Variants in MSH5 observed in about 807,000 individuals in gnomAD.
MSH5 encodes mutS homolog 5.
MSH5 carries 78 observed loss-of-function variants against 107.7 expected under a neutral mutation model. The observed-to-expected ratio is 0.72, with a 90% CI of 0.60 to 0.87. MSH5 has a LOEUF of 0.87. Among genes scored for constraint, MSH5 ranks in the 40% least tolerant of loss-of-function variants. The pLI, the probability that MSH5 is intolerant of heterozygous loss-of-function variation, is 0.00. For missense variants in MSH5, 889 were observed against 1,046.6 expected, an observed-to-expected ratio of 0.85 and a Z score of 2.08; for synonymous variants, 326 against 399.5, an observed-to-expected ratio of 0.82 and a Z score of 2.19.
At chr6:31,743,596 G>A (rs756081978) in intron 5 of MSH5, 49 of 469,510 alleles carry the variant, frequency 1.0e-4, no homozygotes, top group Admixed American at 1.9e-4. Flanking sequence ...TAAGGCATTA[G>A]TGTTACTAGT....
intron 8 of MSH5, 48 bp from the exon 9 acceptor site, chr6:31,745,189 C>A: frequency 8.9e-7 from 1 of 1,120,614 alleles, no homozygotes; most frequent in Non-Finnish European, 1.4e-6. Context: ...ATTCTTATTC[C>A]CTTCAAAAGT....
Position 31,762,094 on chromosome 6 carries a change from C to T in MSH5, c.2320-18C>T. 1 of 1,614,112 alleles carries T rather than the reference C, an allele frequency of 6.2e-7. No homozygotes were observed. The highest frequency in any genetic ancestry group is 8.5e-7 in the Non-Finnish European group (1 of 1,179,982). ...TCCCCACTCCCCTTACTCCTCCCAC[C>T]TTCTTGCTTGTTCCTAGGTCTCAGA... On this transcript the variant is annotated intron_variant, in intron 23 of 24. Coordinates refer to ENST00000375750, the MANE Select transcript of MSH5 (RefSeq NM_172166.4).
intron 9 of MSH5, among the ~76,000 whole-genome samples, 161 bp from the exon 10 acceptor site, chr6:31,747,226 T>C (rs1188015710): frequency 2.6e-5 from 4 of 152,230 alleles, no homozygotes; most frequent in Admixed American, 1.3e-4. Flanking sequence ...CAGCTCATAT[T>C]TGTGGCCAGG....
rs1376353076 is a variant in MSH5 at position 31,740,743 on chromosome 6, C to G, written c.147+130C>G. 2 of 1,079,320 alleles carry G rather than the reference C, an allele frequency of 1.9e-6. No individual in the cohort carries two copies. Among genetic ancestry groups the G allele is most frequent in the Non-Finnish European group, 2.5e-6 (2 of 800,750 alleles). The allele number at this position is 1,079,320 out of a possible 1,614,324, so 66.9% of individuals were successfully genotyped here. On this transcript the variant is annotated intron_variant, in intron 2 of 24. Transcript: ENST00000375750. This position sits in a 1 kb window ranked among gnomAD's most constrained non-coding sequence, Gnocchi z 4.4. ...TGGGAGACTGAGGCGGGCGGATCAC[C>G]TGAGCTCAGGAGTTGGAGACCAGCC...
intron 12 of MSH5, chr6:31,753,881 A>G (rs1810202033): frequency 7.0e-6 from 3 of 426,290 alleles, no homozygotes; most frequent in Non-Finnish European, 1.3e-5. Flanking sequence ...GCCCGCCACC[A>G]TGCCTGGCAA....
intron 10 of MSH5, among the ~76,000 whole-genome samples, chr6:31,748,224 G>T (rs756357738): frequency 6.6e-6 from 1 of 151,834 alleles, no homozygotes; most frequent in African/African-American, 2.4e-5. Context: ...TCCTCTTCCT[G>T]CATTCCCTTT....
At position 31,758,190 on chromosome 6, in the gene MSH5, GGGATGCCTGCC is replaced by G; in HGVS notation, c.1042_1052del (p.Asp348LeufsTer18). On this transcript the variant is annotated frameshift_variant, in exon 13 of 25. Transcript: ENST00000375750. LOFTEE classifies it high-confidence loss of function. This position sits in a 1 kb window ranked among gnomAD's most constrained non-coding sequence, Gnocchi z 5.1. ...ACTGTGTACAGTGCCCTGGGCCTGA[GGGATGCCTGCC>G]GCTCCCTGCCGCAGTCCATCCAGCT... 6.2e-7 allele frequency: 1 copy of G among 1,613,024 alleles called. No homozygotes were observed. Among genetic ancestry groups the G allele is most frequent in the Non-Finnish European group, 8.5e-7 (1 of 1,180,034 alleles).
Position 31,762,453 on chromosome 6 carries a change from G to A in MSH5, c.2427G>A (p.Leu809=), listed in dbSNP as rs745517556. Residue 809 remains leucine (L), a synonymous_variant, in exon 25 of 25, where the codon CTG becomes CTA. Transcript: ENST00000375750. ...CQTLVDKFMK[L]DLEDPNLDLN... ...CATTAGTGGATAAGTTTATGAAACT[G>A]GATTTGGAAGATCCTAACCTGGACT... 24 of 1,613,778 alleles carry A rather than the reference G, an allele frequency of 1.5e-5. No individual in the cohort carries two copies. The Admixed American group carries it at 2.3e-4, about 16-fold the overall frequency.
chr6:31,757,244 G>A (rs777486673), intron 12 of MSH5, among the ~76,000 whole-genome samples: 1 of 151,528 alleles, frequency 6.6e-6, no homozygotes, highest in South Asian at 2.1e-4. Context: ...TCCCGGGTTC[G>A]CGCCATTCTC....
intron 23 of MSH5, 48 bp downstream of exon 23, chr6:31,762,003 C>T (rs753407031): frequency 1.2e-6 from 2 of 1,613,078 alleles, no homozygotes; most frequent in Non-Finnish European, 1.7e-6. Flanking sequence ...AGCTCCCTTT[C>T]ATTCCTAGTC....
chr6:31,753,137 C>T (rs1810112734), intron 10 of MSH5, 164 bp from the exon 11 acceptor site: 2 of 821,536 alleles, frequency 2.4e-6, no homozygotes, highest in Non-Finnish European at 3.8e-6. Context: ...TACATGTAAA[C>T]ACACCTGAAT....
intron 3 of MSH5, among the ~76,000 whole-genome samples, chr6:31,742,292 C>T (rs1239989023): frequency 1.3e-5 from 2 of 152,108 alleles, no homozygotes; most frequent in African/African-American, 2.4e-5. Context: ...TGTCTTGCTC[C>T]GTCACTCAGG....
At position 31,743,138 on chromosome 6, in the gene MSH5, C is replaced by T; in HGVS notation, c.383C>T (p.Pro128Leu). 1 of 1,612,948 alleles carries T rather than the reference C, an allele frequency of 6.2e-7. No homozygotes were observed. The highest frequency in any genetic ancestry group is 1.1e-5 in the South Asian group (1 of 91,072). Reference sequence around the variant, plus strand: ...CAGGAGCACAGAGAGCCTAAAAGACCTGAAATCATATTTTTGCCAAGTGTG... The same window carrying T: ...CAGGAGCACAGAGAGCCTAAAAGACTTGAAATCATATTTTTGCCAAGTGTG... ...ASQEHREPKR[P>L]EIIFLPSVDF... The change falls in exon 5 of 25, where the codon CCT (proline) becomes CTT (leucine). Residue 128 changes from proline (P) to leucine (L), a missense_variant. This residue lies in a region of MSH5 where 518 missense variants were observed against 565.0 expected (regional missense o/e 0.92). Coordinates refer to ENST00000375750, the MANE Select transcript of MSH5 (RefSeq NM_172166.4).
At chr6:31,741,336 T>C (rs1808862058) in intron 3 of MSH5, 50 bp downstream of exon 3, 2 of 895,922 alleles carry the variant, frequency 2.2e-6, no homozygotes, top group South Asian at 1.7e-5. Flanking sequence ...GCAGATGTGT[T>C]ACACACACAC....
rs1330047510 is a variant in MSH5 at position 31,741,094 on chromosome 6, A to G, written c.148-69A>G. 6 of 1,562,288 alleles carry G rather than the reference A, an allele frequency of 3.8e-6. No individual in the cohort carries two copies. In the African/African-American group the frequency reaches 6.9e-5, roughly 18 times the overall value. ...AGATTTGAGAAAATGATTAAATTAT[A>G]TAAGACATGGTAAACCCTACACTTA... On this transcript the variant is annotated intron_variant, in intron 2 of 24. Transcript: ENST00000375750.
In MSH5 at chr6:31,759,450, A is replaced by G; in HGVS notation, c.1433A>G (p.Tyr478Cys). The G allele has an allele frequency of 1.9e-6, 3 of 1,612,740 alleles. No individual in the cohort carries two copies. Among genetic ancestry groups the G allele is most frequent in the Non-Finnish European group, 2.5e-6 (3 of 1,180,012 alleles). ...TTTCTCTCAGAGGAGAAGCTGCACTATCGTAGTGCCCGAACCAAGGAGCTG... is the reference window on the plus strand; with the variant it reads ...TTTCTCTCAGAGGAGAAGCTGCACTGTCGTAGTGCCCGAACCAAGGAGCTG... Reference protein sequence around the residue: ...FMFLSEEKLHYRSARTKELDA... With the variant: ...FMFLSEEKLHCRSARTKELDA... Residue 478 changes from tyrosine (Y) to cysteine (C), a missense_variant, in exon 17 of 25, where the codon TAT becomes TGT. Physicochemically the swap from Tyr to Cys is radical, Grantham distance 194 (BLOSUM62 -2). Transcript: ENST00000375750. The surrounding 1 kb of genome is among the most constrained non-coding windows in gnomAD (Gnocchi z 4.7).
At chr6:31,746,261 T>A (rs1369398100) in intron 9 of MSH5, 2 of 151,856 alleles carry the variant, frequency 1.3e-5, no homozygotes, top group African/African-American at 4.9e-5. Context: ...CACGCCCAGC[T>A]AATTTTTGTA....
intron 3 of MSH5, among the ~76,000 whole-genome samples, chr6:31,741,524 G>C (rs1263571416): frequency 6.6e-6 from 1 of 152,010 alleles, no homozygotes; most frequent in Non-Finnish European, 1.5e-5. Context: ...GACTACAGGC[G>C]TGTGCCACCA....
At chr6:31,752,027 A>G (rs1284600884) in intron 10 of MSH5, among the ~76,000 whole-genome samples, 2 of 152,092 alleles carry the variant, frequency 1.3e-5, no homozygotes, top group Non-Finnish European at 2.9e-5. Flanking sequence ...TAAGCCTGTG[A>G]GGCAGAGGTT....
Sources: allele counts gnomAD v4.1 joint callset (sites outside exome capture counted in the v4.1 genomes callset), GRCh38; gene constraint gnomAD v4.1.1; regional missense constraint gnomAD v4.1.1; non-coding constraint Gnocchi (gnomAD v3.1); transcripts MANE v1.5; gene names NCBI Gene and HGNC (gene_info 2026-07-23, HGNC 2026-07-21).